Variants in RGPD2 observed in about 807,000 individuals in gnomAD.
RGPD2 encodes RANBP2-like and GRIP domain-containing protein 2.
In RGPD2, 2 loss-of-function variants were observed where a neutral mutation model predicts 36.0. The observed-to-expected ratio is 0.06, with a 90% CI of 0.02 to 0.17. RGPD2 has a LOEUF of 0.17. Among genes scored for constraint, RGPD2 ranks in the 10% least tolerant of loss-of-function variants. RGPD2 has a pLI of 1.00. For synonymous variants in RGPD2, 19 were observed against 163.8 expected (o/e 0.12, Z 6.75); for missense variants, 40 against 464.3 (o/e 0.09, Z 8.40).
chr2:87,894,643 G>A, the RGPD2 span, among the ~76,000 whole-genome samples: 1 of 151,894 alleles, frequency 6.6e-6, no homozygotes, highest in Non-Finnish European at 1.5e-5. Context: ...GTGGACTCTA[G>A]TGACCAGAAT....
chr2:87,839,708 G>T, the RGPD2 span, among the ~76,000 whole-genome samples: 1 of 152,038 alleles, frequency 6.6e-6, no homozygotes, highest in African/African-American at 2.4e-5. Flanking sequence ...CTTATAGGTA[G>T]AAGTTACACA....
the RGPD2 span, among the ~76,000 whole-genome samples, chr2:87,971,486 T>TAAAGATATATA: frequency 7.6e-6 from 1 of 132,132 alleles, no homozygotes; most frequent in Non-Finnish European, 1.6e-5. Flanking sequence ...GAATATATTA[T>TAAAGATATATA]TATCTTCTCT....
At chr2:87,955,360 A>T in the RGPD2 span, among the ~76,000 whole-genome samples, 1 of 99,434 alleles carries the variant, frequency 1.0e-5, no homozygotes. Context: ...TTTAGGGAGC[A>T]AAAACTTTCT....
intron 4 of RGPD2, among the ~76,000 whole-genome samples, chr2:87,814,187 T>C (rs1215773267): frequency 1.0e-5 from 1 of 97,390 alleles, no homozygotes; most frequent in African/African-American, 4.1e-5. Context: ...TTATCAGTAA[T>C]ATTTATCTTT....
At chr2:87,872,478 G>GT in the RGPD2 span, among the ~76,000 whole-genome samples, 1 of 151,924 alleles carries the variant, frequency 6.6e-6, no homozygotes, top group African/African-American at 2.4e-5. Flanking sequence ...TATTTTTGTT[G>GT]TTTTTAATTG....
the RGPD2 span, chr2:87,989,795 T>C: frequency 3.9e-6 from 5 of 1,295,740 alleles, no homozygotes; most frequent in Non-Finnish European, 5.5e-6. Context: ...CATGAAGTTT[T>C]GAAGAATCCC....
chr2:87,813,926 C>T (rs1427673459), intron 4 of RGPD2, among the ~76,000 whole-genome samples: 2 of 151,624 alleles, frequency 1.3e-5, no homozygotes, highest in Non-Finnish European at 1.5e-5. Flanking sequence ...TTAACAGTGC[C>T]TTCAAGTTAT....
At chr2:87,830,978 A>C in the RGPD2 span, among the ~76,000 whole-genome samples, 1 of 152,198 alleles carries the variant, frequency 6.6e-6, no homozygotes, top group Non-Finnish European at 1.5e-5. Context: ...CAGCACATTA[A>C]CATAGTTGCG....
chr2:87,863,808 A>G, the RGPD2 span, among the ~76,000 whole-genome samples: 1 of 152,172 alleles, frequency 6.6e-6, no homozygotes, highest in African/African-American at 2.4e-5. Context: ...TTGACTTTAT[A>G]TTAGTATTTA....
chr2:87,988,112 T>C, the RGPD2 span, among the ~76,000 whole-genome samples: 3 of 151,690 alleles, frequency 2.0e-5, no homozygotes, highest in South Asian at 4.2e-4. Context: ...GGCAGTTAGA[T>C]TGGAAACCAA....
chr2:87,857,598 T>C, the RGPD2 span, among the ~76,000 whole-genome samples: 10 of 151,394 alleles, frequency 6.6e-5, no homozygotes, highest in African/African-American at 2.2e-4. Flanking sequence ...CGCCTCGGCC[T>C]CCCAAAGTGA....
chr2:87,916,094 A>T, the RGPD2 span, among the ~76,000 whole-genome samples: 2 of 152,030 alleles, frequency 1.3e-5, no homozygotes, highest in East Asian at 1.9e-4. Flanking sequence ...ATGTCTAAAA[A>T]ACTGTCTCAG....
the RGPD2 span, among the ~76,000 whole-genome samples, chr2:87,912,297 T>C: frequency 2.0e-5 from 3 of 152,012 alleles, no homozygotes; most frequent in Non-Finnish European, 4.4e-5. Context: ...AGAATTCCCA[T>C]AGCTAATTAA....
At chr2:87,883,995 G>A in the RGPD2 span, among the ~76,000 whole-genome samples, 14 of 151,792 alleles carry the variant, frequency 9.2e-5, no homozygotes, top group South Asian at 2.1e-4. Context: ...CAGGATATAC[G>A]TTTTTCTCAA....
chr2:87,824,982 C>A, intron 1 of RGPD2: 2 of 391,028 alleles, frequency 5.1e-6, no homozygotes, highest in Middle Eastern at 6.5e-4. Context: ...ACCATAATTG[C>A]CCCCATACTT....
At chr2:87,937,620 G>A in the RGPD2 span, among the ~76,000 whole-genome samples, 59 of 151,956 alleles carry the variant, frequency 3.9e-4, no homozygotes, top group African/African-American at 1.2e-3. Flanking sequence ...TCAGGAGGGC[G>A]CCAAGCCATT....
the RGPD2 span, among the ~76,000 whole-genome samples, chr2:87,957,179 C>T: frequency 2.7e-4 from 40 of 149,358 alleles, no homozygotes; most frequent in South Asian, 7.9e-3. Flanking sequence ...TAACCCCCAA[C>T]GTGATGGCAC....
chr2:87,893,583 C>A, the RGPD2 span, among the ~76,000 whole-genome samples: 3 of 119,322 alleles, frequency 2.5e-5, no homozygotes, highest in African/African-American at 3.7e-5. Flanking sequence ...ATTTACTACC[C>A]GATTTTATGA....
chr2:87,913,550 TA>T, the RGPD2 span, among the ~76,000 whole-genome samples: 99 of 150,230 alleles, frequency 6.6e-4, no homozygotes, highest in African/African-American at 2.4e-3. Context: ...ATAATAATAA[TA>T]AAAAAATACA....
Sources: allele counts gnomAD v4.1 joint callset (sites outside exome capture counted in the v4.1 genomes callset), GRCh38; gene constraint gnomAD v4.1.1; transcripts MANE v1.5; gene names NCBI Gene and HGNC (gene_info 2026-07-23, HGNC 2026-07-21).